The following VIPAS39 variants were observed in gnomAD, a reference collection of about 807,000 sequenced individuals.
VIPAS39 encodes spermatogenesis-defective protein 39 homolog.
VIPAS39 carries 63 observed loss-of-function variants against 84.7 expected under a neutral mutation model. The observed-to-expected ratio is 0.74, with a 90% CI of 0.61 to 0.92. The LOEUF is 0.92. VIPAS39 is among the 40% of genes least tolerant of loss of function. The probability of loss-of-function intolerance (pLI) is 0.00; values close to 1 mark genes in which losing one functional copy is unlikely to be tolerated. For missense variants in VIPAS39, 499 were observed against 604.5 expected, an observed-to-expected ratio of 0.83 and a Z score of 1.83; for synonymous variants, 192 against 216.5, an observed-to-expected ratio of 0.89 and a Z score of 0.99.
At chr14:77,445,546 C>T (rs1354783293) in intron 7 of VIPAS39, among the ~76,000 whole-genome samples, 1 of 152,106 alleles carries the variant, frequency 6.6e-6, no homozygotes, top group Non-Finnish European at 1.5e-5. Flanking sequence ...CCTCAAGCCT[C>T]CTGAGTAGCT....
intron 8 of VIPAS39, 140 bp downstream of exon 8, chr14:77,444,109 T>C: frequency 2.4e-6 from 2 of 839,024 alleles, no homozygotes; most frequent in East Asian, 3.0e-5. Context: ...AAAGCACAGA[T>C]TACTTAGAAT....
chr14:77,447,920 C>T (rs2078819568), intron 7 of VIPAS39, among the ~76,000 whole-genome samples: 1 of 151,498 alleles, frequency 6.6e-6, no homozygotes, highest in Non-Finnish European at 1.5e-5. Context: ...CCTTGGCCTC[C>T]CAAAGTGCTG....
intron 1 of VIPAS39, among the ~76,000 whole-genome samples, chr14:77,455,251 G>A (rs192942548): frequency 6.6e-6 from 1 of 152,180 alleles, no homozygotes; most frequent in African/African-American, 2.4e-5. Context: ...GGGAGACTGA[G>A]GTGGGAGGAT....
At chr14:77,436,063 G>A (rs2078606691) in intron 12 of VIPAS39, 144 bp from the exon 13 acceptor site, 1 of 806,826 alleles carries the variant, frequency 1.2e-6, no homozygotes, top group African/African-American at 1.7e-5. Context: ...GTCCCTTAAA[G>A]AAAGACATCG....
chr14:77,453,920 T>C, intron 2 of VIPAS39, 90 bp downstream of exon 2: 1 of 1,228,788 alleles, frequency 8.1e-7, no homozygotes, highest in Non-Finnish European at 1.2e-6. Context: ...AAGACATACA[T>C]GGTCAAAAGC....
intron 2 of VIPAS39, 94 bp from the exon 3 acceptor site, chr14:77,453,495 G>A: frequency 8.3e-7 from 1 of 1,200,672 alleles, no homozygotes; most frequent in Non-Finnish European, 1.2e-6. Flanking sequence ...GGGGCCTGAA[G>A]GTGGCCAACA....
At position 77,434,254 on chromosome 14, in the gene VIPAS39, G is replaced by A. The variant is rs371371767; in HGVS notation, c.1089+8C>T. 7 of 1,613,818 alleles carry A rather than the reference G, an allele frequency of 4.3e-6. No homozygotes were observed. Among genetic ancestry groups the A allele is most frequent in the South Asian group, 3.3e-5 (3 of 91,066 alleles). The stretch of plus-strand genomic sequence containing the variant: ...CTAGTTTCATAACACTGACCAATTT[G>A]TATCTACCTTAAATGTCTTCTTCAG... On this transcript the variant is annotated splice_region_variant and intron_variant, in intron 15 of 19. Coordinates refer to ENST00000557658, the MANE Select transcript of VIPAS39 (RefSeq NM_001193315.2).
At chr14:77,449,434 C>A (rs2078848236) in intron 5 of VIPAS39, 77 bp from the exon 6 acceptor site, 1 of 1,576,858 alleles carries the variant, frequency 6.3e-7, no homozygotes, top group Non-Finnish European at 8.7e-7. Flanking sequence ...CTTCTTCGTT[C>A]TCACATTTTT....
chr14:77,443,049 C>T, intron 9 of VIPAS39, 70 bp downstream of exon 9: 1 of 1,593,606 alleles, frequency 6.3e-7, no homozygotes, highest in Non-Finnish European at 8.6e-7. Context: ...GTATGAAAGG[C>T]ACATGGCATT....
Position 77,457,534 on chromosome 14 carries a change from C to A in VIPAS39, c.-40G>T, listed in dbSNP as rs2078981677. 1 of 757,652 alleles carries A rather than the reference C, an allele frequency of 1.3e-6. No homozygotes were observed. The highest frequency in any genetic ancestry group is 2.7e-5 in the Admixed American group (1 of 36,594). The allele number at this position is 757,652 out of a possible 1,614,324, so 46.9% of individuals were successfully genotyped here. Reference sequence around the variant, plus strand: ...GCCCTCCCTCTCAGGACAGCGCCAGCCTCCGCCGCCGCTGGACCAGCCCTT... The same window carrying A: ...GCCCTCCCTCTCAGGACAGCGCCAGACTCCGCCGCCGCTGGACCAGCCCTT... On this transcript the variant is annotated 5_prime_UTR_variant, in exon 1 of 20. Coordinates refer to ENST00000557658, the MANE Select transcript of VIPAS39 (RefSeq NM_001193315.2).
At position 77,451,320 on chromosome 14, in the gene VIPAS39, G is replaced by T; in HGVS notation, c.210C>A (p.Ser70=). Reference sequence around the variant, plus strand: ...CGCTATTACCAGCAGTCTCTCTGATGGACCATGAGATACCTGTGAGATAGT... The same window carrying T: ...CGCTATTACCAGCAGTCTCTCTGATTGACCATGAGATACCTGTGAGATAGT... ...SGEPVGSISW[S]IRETAGNSGS... is the part of the protein sequence containing the mutation. The change falls in exon 4 of 20, where the codon TCC becomes TCA. Residue 70 remains serine, a synonymous_variant. Transcript: ENST00000557658. The T allele has an allele frequency of 6.2e-7, 1 of 1,614,162 alleles. No homozygotes were observed. Among genetic ancestry groups the T allele is most frequent in the Non-Finnish European group, 8.5e-7 (1 of 1,180,042 alleles).
At chr14:77,429,170 G>T in intron 17 of VIPAS39, 75 bp from the exon 18 acceptor site, 1 of 1,404,506 alleles carries the variant, frequency 7.1e-7, no homozygotes, top group Non-Finnish European at 1.0e-6. Context: ...AGAAAAGAAA[G>T]TCCTGAAGAA....
chr14:77,444,872 G>A lies in VIPAS39; in HGVS notation c.505-531C>T, dbSNP rs535720284. ...GCTGGGATTACAGGCATGAGCCACC[G>A]CGCCCAGCCAATCACTTGTTCTTTT... is the stretch of plus-strand genomic sequence containing the variant. On this transcript the variant is annotated intron_variant, in intron 7 of 19. Transcript: ENST00000557658. 6.0e-4 allele frequency among the ~76,000 whole-genome samples: 89 copies of A among 147,844 alleles called. 1 individual carries two copies. The highest frequency in any genetic ancestry group is 1.9e-3 in the African/African-American group (75 of 39,914).
chr14:77,430,048 T>C (rs1389308183), intron 16 of VIPAS39, among the ~76,000 whole-genome samples: 3 of 152,242 alleles, frequency 2.0e-5, no homozygotes, highest in Admixed American at 2.0e-4. Context: ...ATATTTGTAG[T>C]ATGAACTTAT....
At chr14:77,451,027 T>G (rs1292432323) in intron 4 of VIPAS39, among the ~76,000 whole-genome samples, 160 bp downstream of exon 4, 2 of 152,182 alleles carry the variant, frequency 1.3e-5, no homozygotes, top group Admixed American at 6.5e-5. Flanking sequence ...TCCTCTGAAT[T>G]TCTCTCATTT....
At chr14:77,428,347 A>AG in intron 19 of VIPAS39, 23 bp downstream of exon 19, 1 of 1,597,106 alleles carries the variant, frequency 6.3e-7, no homozygotes, top group Non-Finnish European at 8.6e-7. Context: ...AGCCTGCTGG[A>AG]GGGGTGAACT....
chr14:77,442,374 TC>T (rs1455616290), intron 10 of VIPAS39, among the ~76,000 whole-genome samples, 185 bp downstream of exon 10: 1 of 152,210 alleles, frequency 6.6e-6, no homozygotes, highest in Non-Finnish European at 1.5e-5. Flanking sequence ...AAAGCCTGGT[TC>T]TTAACCAACT....
At chr14:77,443,473 G>A (rs1285001843) in intron 8 of VIPAS39, among the ~76,000 whole-genome samples, 5 of 152,284 alleles carry the variant, frequency 3.3e-5, no homozygotes, top group African/African-American at 1.2e-4. Flanking sequence ...CATAGGCTGG[G>A]CATGGTGACT....
chr14:77,443,021 CT>C, intron 9 of VIPAS39, 97 bp downstream of exon 9: 1 of 1,528,476 alleles, frequency 6.5e-7, no homozygotes, highest in Non-Finnish European at 9.1e-7. Flanking sequence ...CTGAAATAGA[CT>C]TGACTAATGA....
Sources: allele counts gnomAD v4.1 joint callset (sites outside exome capture counted in the v4.1 genomes callset), GRCh38; gene constraint gnomAD v4.1.1; transcripts MANE v1.5; gene names NCBI Gene and HGNC (gene_info 2026-07-23, HGNC 2026-07-21).